The following EGFR variants were observed in gnomAD, a reference collection of about 807,000 sequenced individuals.
EGFR encodes the protein epidermal growth factor receptor, also known as avian erythroblastic leukemia viral (v-erb-b) oncogene homolog.
In EGFR, 58 loss-of-function variants were observed where a neutral mutation model predicts 143.0. The ratio of observed to expected loss-of-function variants is 0.41; its 90% CI spans 0.33 to 0.50. The LOEUF is 0.50. Among genes scored for constraint, EGFR ranks in the 20% least tolerant of loss-of-function variants. The probability of loss-of-function intolerance (pLI) is 0.39; values close to 1 mark genes in which losing one functional copy is unlikely to be tolerated. For missense variants in EGFR, 1,307 were observed against 1,579.0 expected (o/e 0.83, Z 2.92); for synonymous variants, 613 against 594.4 (o/e 1.03, Z -0.45).
intron 1 of EGFR, among the ~76,000 whole-genome samples, chr7:55,038,421 T>C (rs756571664): frequency 3.3e-5 from 5 of 152,176 alleles, no homozygotes; most frequent in Non-Finnish European, 5.9e-5. Context: ...AAGCCAGGTA[T>C]GGTGACTGCT....
At chr7:55,089,750 C>T (rs1433766951) in intron 1 of EGFR, among the ~76,000 whole-genome samples, 1 of 152,166 alleles carries the variant, frequency 6.6e-6, no homozygotes, top group East Asian at 1.9e-4. Context: ...GTCAGACCCA[C>T]CTCTCACCTT....
intron 1 of EGFR, among the ~76,000 whole-genome samples, chr7:55,111,111 A>C (rs1351244888): frequency 6.6e-6 from 1 of 151,936 alleles, no homozygotes; most frequent in Non-Finnish European, 1.5e-5. Context: ...AGCTGACTGC[A>C]CTCTTCCCAA....
intron 1 of EGFR, among the ~76,000 whole-genome samples, chr7:55,116,117 C>T (rs375483398): frequency 1.3e-5 from 2 of 152,156 alleles, no homozygotes; most frequent in Non-Finnish European, 2.9e-5. Context: ...TGCTGGGAAT[C>T]GAAAGATTCT....
chr7:55,052,605 G>C (rs1177618679), intron 1 of EGFR, among the ~76,000 whole-genome samples: 1 of 152,218 alleles, frequency 6.6e-6, no homozygotes, highest in African/African-American at 2.4e-5. Context: ...GCGAAGCTCA[G>C]GTGCATGGAT....
chr7:55,115,078 T>C (rs1362651459), intron 1 of EGFR, among the ~76,000 whole-genome samples: 1 of 152,114 alleles, frequency 6.6e-6, no homozygotes, highest in Non-Finnish European at 1.5e-5. Flanking sequence ...AGACGGGGTT[T>C]CACCATGGTC....
In EGFR at chr7:55,207,784, C is replaced by T. The variant is rs1395905998; in HGVS notation, c.*2167C>T. 6.6e-6 allele frequency: 1 copy of T among 152,266 alleles called. No individual in the cohort carries two copies. Among genetic ancestry groups the T allele is most frequent in the Non-Finnish European group, 1.5e-5 (1 of 68,062 alleles). 9.4% of individuals were successfully genotyped at this position (152,266 alleles called of 1,614,324 possible). A position where few individuals can be genotyped will look rare whatever the true frequency, so the allele number is the denominator to read the frequency against. ...CAAGTTCCCTAAAAGTTGCAGCCCCCAGGGGGATTTTGAGCTATCATCTCT... is the reference window on the plus strand; with the variant it reads ...CAAGTTCCCTAAAAGTTGCAGCCCCTAGGGGGATTTTGAGCTATCATCTCT... On this transcript the variant is annotated 3_prime_UTR_variant, in exon 28 of 28. Coordinates refer to ENST00000275493, the MANE Select transcript of EGFR (RefSeq NM_005228.5).
At chr7:55,030,760 C>T (rs902945376) in intron 1 of EGFR, among the ~76,000 whole-genome samples, 2 of 152,182 alleles carry the variant, frequency 1.3e-5, no homozygotes, top group Non-Finnish European at 1.5e-5. Flanking sequence ...ACAGTGTGGC[C>T]CTCCAAGAGT....
At chr7:55,127,044 A>G (rs984364184) in intron 1 of EGFR, among the ~76,000 whole-genome samples, 8 of 152,206 alleles carry the variant, frequency 5.3e-5, no homozygotes, top group African/African-American at 1.7e-4. Flanking sequence ...GTGAAAACTA[A>G]TGTACCATCT....
chr7:55,146,133 C>T (rs184834938), intron 3 of EGFR, among the ~76,000 whole-genome samples: 49 of 152,154 alleles, frequency 3.2e-4, no homozygotes, highest in African/African-American at 1.1e-3. Context: ...CTCTCATATC[C>T]TTTTCTCTAA....
intron 27 of EGFR, 38 bp downstream of exon 27, chr7:55,202,663 C>T (rs1314843376): frequency 6.4e-7 from 1 of 1,562,812 alleles, no homozygotes; most frequent in South Asian, 1.2e-5. Context: ...GCTCCTCAAC[C>T]TCCTCGACCC....
chr7:55,106,780 C>T (rs759636370), intron 1 of EGFR, among the ~76,000 whole-genome samples: 1 of 152,126 alleles, frequency 6.6e-6, no homozygotes, highest in Non-Finnish European at 1.5e-5. Flanking sequence ...CATTTATCCT[C>T]AAAGCTGCAT....
At chr7:55,094,280 C>T (rs934582639) in intron 1 of EGFR, among the ~76,000 whole-genome samples, 1 of 152,190 alleles carries the variant, frequency 6.6e-6, no homozygotes, top group African/African-American at 2.4e-5. Flanking sequence ...GGTCTGTCAT[C>T]CACGCAGCTG....
intron 20 of EGFR, among the ~76,000 whole-genome samples, chr7:55,190,193 A>G (rs1787326005): frequency 6.6e-6 from 1 of 152,134 alleles, no homozygotes; most frequent in African/African-American, 2.4e-5. Flanking sequence ...AGTGTTGTCC[A>G]GAGAAGAACC....
chr7:55,112,582 G>T (rs1360331387), intron 1 of EGFR, among the ~76,000 whole-genome samples: 1 of 152,214 alleles, frequency 6.6e-6, no homozygotes, highest in African/African-American at 2.4e-5. Flanking sequence ...CCCTCAGAAG[G>T]CCCTGTGGAG....
intron 1 of EGFR, among the ~76,000 whole-genome samples, chr7:55,116,244 T>G (rs1216124742): frequency 6.6e-6 from 1 of 152,224 alleles, no homozygotes; most frequent in Non-Finnish European, 1.5e-5. Flanking sequence ...AGTCCAGGCC[T>G]TCACACCTTC....
At chr7:55,108,082 G>A (rs1792245636) in intron 1 of EGFR, among the ~76,000 whole-genome samples, 1 of 152,154 alleles carries the variant, frequency 6.6e-6, no homozygotes, top group Non-Finnish European at 1.5e-5. Context: ...TTTTAAGTTG[G>A]CAGAACTTCT....
intron 6 of EGFR, 111 bp downstream of exon 6, chr7:55,152,775 AACAG>A (rs1785225626): frequency 1.1e-6 from 1 of 872,812 alleles, no homozygotes. Flanking sequence ...CATTTGTCAT[AACAG>A]ACAGGATATT....
intron 27 of EGFR, chr7:55,203,022 A>G (rs1036167984): frequency 1.8e-5 from 7 of 396,170 alleles, no homozygotes; most frequent in Non-Finnish European, 3.1e-5. Context: ...TGTGAAACGT[A>G]TATTTAACTA....
chr7:55,045,791 A>T (rs1038852616), intron 1 of EGFR, among the ~76,000 whole-genome samples: 2 of 152,188 alleles, frequency 1.3e-5, no homozygotes, highest in African/African-American at 4.8e-5. Context: ...TATAGATGTG[A>T]TTTCTAGAAC....
Sources: allele counts gnomAD v4.1 joint callset (sites outside exome capture counted in the v4.1 genomes callset), GRCh38; gene constraint gnomAD v4.1.1; transcripts MANE v1.5; gene names NCBI Gene and HGNC (gene_info 2026-07-23, HGNC 2026-07-21).